The following FRA10AC1 variants were observed in gnomAD, a reference collection of about 807,000 sequenced individuals.
FRA10AC1 encodes protein FRA10AC1.
A neutral mutation model predicts 56.5 loss-of-function variants in FRA10AC1; 43 were observed. The ratio of observed to expected loss-of-function variants is 0.76; its 90% CI spans 0.60 to 0.98. The LOEUF (loss-of-function observed/expected upper bound fraction) is 0.98, where lower values mean the gene tolerates loss of function less well. Ranked by LOEUF, FRA10AC1 falls within the 50% of genes least tolerant of loss-of-function variation. FRA10AC1 has a pLI of 0.00. For missense variants in FRA10AC1, 346 were observed against 351.8 expected (o/e 0.98, Z 0.13); for synonymous variants, 112 against 110.5 (o/e 1.01, Z -0.09).
intron 4 of FRA10AC1, among the ~76,000 whole-genome samples, chr10:93,697,024 C>T (rs1483380301): frequency 6.6e-6 from 1 of 152,098 alleles, no homozygotes; most frequent in Non-Finnish European, 1.5e-5. Flanking sequence ...CCCTATGTAA[C>T]AATCCTGCAC....
At position 93,702,522 on chromosome 10, in the gene FRA10AC1, A is replaced by ACCACCGCCGCCGCCGCCACCGCCG. The variant is rs60832838; in HGVS notation, c.-149_-148insCGGCGGTGGCGGCGGCGGCGGTGG. ...GCCGCACAGCCTCGCCACAACCACCACCGCCGCCGCCGCCGCCGCCGCCGC... is the reference window on the plus strand; with the variant it reads ...GCCGCACAGCCTCGCCACAACCACCACCACCGCCGCCGCCGCCACCGCCGCCGCCGCCGCCGCCGCCGCCGCCGC... On this transcript the variant is annotated 5_prime_UTR_variant, in exon 1 of 14. Transcript: ENST00000359204. 2 of 211,550 alleles carry ACCACCGCCGCCGCCGCCACCGCCG rather than the reference A, an allele frequency of 9.5e-6. No individual in the cohort carries two copies. Among genetic ancestry groups the ACCACCGCCGCCGCCGCCACCGCCG allele is most frequent in the African/African-American group, 4.9e-5 (2 of 40,848 alleles). The allele number at this position is 211,550 out of a possible 1,614,324, so 13.1% of individuals were successfully genotyped here.
intron 4 of FRA10AC1, among the ~76,000 whole-genome samples, chr10:93,697,103 C>G (rs2059246108): frequency 6.6e-6 from 1 of 151,814 alleles, no homozygotes; most frequent in Non-Finnish European, 1.5e-5. Context: ...AAAATAAATC[C>G]TCACACACAA....
intron 12 of FRA10AC1, among the ~76,000 whole-genome samples, 199 bp downstream of exon 12, chr10:93,676,449 TTAAAA>T (rs2058841251): frequency 6.6e-6 from 1 of 152,190 alleles, no homozygotes; most frequent in Admixed American, 6.5e-5. Context: ...CTCTCTATAC[TTAAAA>T]TAAGAAACTT....
chr10:93,673,367 A>G (rs1326214), intron 12 of FRA10AC1: 270,505 of 455,840 alleles, frequency 0.59, 82,673 homozygotes, highest in Middle Eastern at 0.65. Flanking sequence ...CAGTTCCTCC[A>G]ACATTCTTCC....
intron 12 of FRA10AC1, chr10:93,672,176 G>A: frequency 5.4e-6 from 2 of 370,574 alleles, no homozygotes; most frequent in Non-Finnish European, 5.2e-6. Flanking sequence ...GCATTGATTT[G>A]TTACGGTAGT....
chr10:93,699,823 A>C (rs535258219), intron 2 of FRA10AC1, among the ~76,000 whole-genome samples: 1 of 152,340 alleles, frequency 6.6e-6, no homozygotes, highest in Admixed American at 6.5e-5. Flanking sequence ...CCTTTCAATA[A>C]ACCCCTTTGC....
intron 11 of FRA10AC1, among the ~76,000 whole-genome samples, chr10:93,679,974 A>G (rs1445568665): frequency 6.6e-6 from 1 of 152,216 alleles, no homozygotes; most frequent in Non-Finnish European, 1.5e-5. Flanking sequence ...TTAGGTCAAC[A>G]TAGGTGTCAT....
chr10:93,675,168 C>CA (rs2133896474), intron 12 of FRA10AC1: 1 of 152,270 alleles, frequency 6.6e-6, no homozygotes, highest in East Asian at 1.9e-4. Context: ...GGAATACCTC[C>CA]ATCAACATCT....
intron 11 of FRA10AC1, among the ~76,000 whole-genome samples, chr10:93,677,175 A>AC (rs947935452): frequency 6.6e-6 from 1 of 152,170 alleles, no homozygotes; most frequent in African/African-American, 2.4e-5. Flanking sequence ...TCTCAGCTCT[A>AC]CAATGGTCAT....
At chr10:93,702,631 T>TC (rs35950445), upstream of FRA10AC1, 3 of 193,818 alleles carry the variant, frequency 1.5e-5, 1 homozygote, top group African/African-American at 2.4e-5. Context: ...AATGGCACCG[T>TC]CCCCCGAGTG....
chr10:93,669,935 G>A (rs1183709527), intron 13 of FRA10AC1, 67 bp from the exon 14 acceptor site: 1 of 788,558 alleles, frequency 1.3e-6, no homozygotes, highest in Non-Finnish European at 2.1e-6. Flanking sequence ...TACATTATAT[G>A]AGATTAATAA....
chr10:93,676,803 A>G (rs995722775), intron 11 of FRA10AC1, 112 bp from the exon 12 acceptor site: 4 of 1,353,056 alleles, frequency 3.0e-6, no homozygotes, highest in Non-Finnish European at 3.8e-6. Flanking sequence ...TCTTACAGAT[A>G]AGCACTTCAC....
intron 5 of FRA10AC1, among the ~76,000 whole-genome samples, chr10:93,693,503 TATATACACCATATATATATATATACACC>T (rs1185202465): frequency 4.0e-5 from 2 of 50,014 alleles, no homozygotes; most frequent in Admixed American, 2.2e-4. Context: ...TATATATATA[TATATACACCATATATATATATATACACC>T]ATATATATAT....
Position 93,681,583 on chromosome 10 carries a change from C to A in FRA10AC1, c.684G>T (p.Lys228Asn). 1.3e-6 allele frequency: 2 copies of A among 1,527,112 alleles called. No homozygotes were observed. The highest frequency in any genetic ancestry group is 1.8e-6 in the Non-Finnish European group (2 of 1,135,732). 94.6% of individuals were successfully genotyped at this position (1,527,112 alleles called of 1,614,324 possible). The change falls in exon 11 of 14, where the codon AAG becomes AAT. Residue 228 changes from lysine to asparagine, a missense_variant. Physicochemically the swap from Lys to Asn is moderately conservative, Grantham distance 94. Transcript: ENST00000359204. ...TGGTTTTATCTTTTCTTTTTTTTGA[C>A]TTGATTTCTTTTCTCCTTTGTGTTA... ...LNFHHRRKEI[K>N]SKKRKDKTKK... is the part of the protein sequence containing the mutation.
In FRA10AC1 at chr10:93,698,182, C is replaced by A; in HGVS notation, c.174-1G>T. ...AAACCTTCTATTTCTTGCTTCTTCC[C>A]TGTTAAAACAAATTTTTTTAAGAAA... On this transcript the variant is annotated splice_acceptor_variant, in intron 3 of 13. Transcript: ENST00000359204. LOFTEE classifies it high-confidence loss of function. 1 of 1,579,234 alleles carries A rather than the reference C, an allele frequency of 6.3e-7. No homozygotes were observed. Among genetic ancestry groups the A allele is most frequent in the South Asian group, 1.2e-5 (1 of 86,030 alleles).
Position 93,667,941 on chromosome 10 carries a change from A to G in FRA10AC1, c.*1885T>C, listed in dbSNP as rs1171366883. On this transcript the variant is annotated 3_prime_UTR_variant, in exon 14 of 14. Coordinates refer to ENST00000359204, the MANE Select transcript of FRA10AC1 (RefSeq NM_145246.5). ...AGGGGACTATCAAACAATGTTAAAC[A>G]CTGATAAACCCAACACTGATTTACT... 1 of 152,230 alleles carries G rather than the reference A, an allele frequency of 6.6e-6. No homozygotes were observed. Among genetic ancestry groups the G allele is most frequent in the Non-Finnish European group, 1.5e-5 (1 of 68,042 alleles). The allele number at this position is 152,230 out of a possible 1,614,324, so 9.4% of individuals were successfully genotyped here.
At chr10:93,670,146 C>T (rs1564809700) in intron 13 of FRA10AC1, among the ~76,000 whole-genome samples, 1 of 152,090 alleles carries the variant, frequency 6.6e-6, no homozygotes, top group Non-Finnish European at 1.5e-5. Flanking sequence ...TGTGAAATGT[C>T]ATTGCTTCTC....
rs550150744 is a variant in FRA10AC1 at position 93,669,732 on chromosome 10, T to C, written c.*94A>G. On this transcript the variant is annotated 3_prime_UTR_variant, in exon 14 of 14. Transcript: ENST00000359204. ...AAAGACAAACCACACAAGCTGTAAC[T>C]TGCAGATAAAAACTTATATGGAATT... 114 of 788,944 alleles carry C rather than the reference T, an allele frequency of 1.4e-4. No homozygotes were observed. The highest frequency in any genetic ancestry group is 2.3e-4 in the Non-Finnish European group (109 of 480,892). The allele number at this position is 788,944 out of a possible 1,614,324, so 48.9% of individuals were successfully genotyped here.
At position 93,676,690 on chromosome 10, in the gene FRA10AC1, T is replaced by C. The variant is rs149763190; in HGVS notation, c.789A>G (p.Gly263=). 1.3e-6 allele frequency: 2 copies of C among 1,568,544 alleles called. No homozygotes were observed. Among genetic ancestry groups the C allele is most frequent in the Non-Finnish European group, 1.7e-6 (2 of 1,161,928 alleles). ...AEEASKKKDK[G]HSSSKKSEDS... ...CTTCAGATTTCTTTGAAGATGAATG[T>C]CCTGAAAAGGAAACATCATTGATTT... Residue 263 remains glycine, a splice_region_variant and synonymous_variant, in exon 12 of 14, where the codon GGA becomes GGG. Coordinates refer to ENST00000359204, the MANE Select transcript of FRA10AC1 (RefSeq NM_145246.5).
Sources: allele counts gnomAD v4.1 joint callset (sites outside exome capture counted in the v4.1 genomes callset), GRCh38; gene constraint gnomAD v4.1.1; transcripts MANE v1.5; gene names NCBI Gene and HGNC (gene_info 2026-07-23, HGNC 2026-07-21).